RASGRP3: variants seen among roughly 807,000 people sequenced by gnomAD.
RASGRP3 encodes the protein RAS guanyl releasing protein 3.
In RASGRP3, 54 loss-of-function variants were observed where a neutral mutation model predicts 82.7. The ratio of observed to expected loss-of-function variants is 0.65; its 90% CI spans 0.52 to 0.82. RASGRP3 has a LOEUF of 0.82. Among genes scored for constraint, RASGRP3 ranks in the 40% least tolerant of loss-of-function variants. The pLI is 0.00. For missense variants in RASGRP3, 861 were observed against 828.9 expected, an observed-to-expected ratio of 1.04 and a Z score of -0.48; for synonymous variants, 309 against 300.5, an observed-to-expected ratio of 1.03 and a Z score of -0.29.
chr2:33,480,771 C>T (rs1402755288), intron 1 of RASGRP3, among the ~76,000 whole-genome samples: 1 of 152,062 alleles, frequency 6.6e-6, no homozygotes, highest in Non-Finnish European at 1.5e-5. Context: ...ACTTATAGTC[C>T]CTGGAGTTAA....
intron 1 of RASGRP3, among the ~76,000 whole-genome samples, chr2:33,506,774 A>T (rs979804653): frequency 1.3e-5 from 2 of 152,172 alleles, no homozygotes; most frequent in Non-Finnish European, 2.9e-5. Context: ...TTGTTAAATA[A>T]CCTTTGGAGA....
At chr2:33,547,863 G>A (rs1258194455) in intron 13 of RASGRP3, among the ~76,000 whole-genome samples, 2 of 152,100 alleles carry the variant, frequency 1.3e-5, no homozygotes, top group Non-Finnish European at 2.9e-5. Flanking sequence ...AAGCGGGGTG[G>A]CATGCAATTC....
intron 1 of RASGRP3, among the ~76,000 whole-genome samples, chr2:33,494,686 C>T (rs1391188621): frequency 1.3e-5 from 2 of 152,310 alleles, no homozygotes; most frequent in Non-Finnish European, 1.5e-5. Flanking sequence ...GGTAGCCCAA[C>T]GTACATTCTA....
At chr2:33,508,290 C>T (rs1670591887) in intron 1 of RASGRP3, among the ~76,000 whole-genome samples, 1 of 152,128 alleles carries the variant, frequency 6.6e-6, no homozygotes, top group African/African-American at 2.4e-5. Flanking sequence ...TTTGAGTTAA[C>T]TTCTAGATAT....
chr2:33,555,864 C>G (rs114174359), intron 15 of RASGRP3, among the ~76,000 whole-genome samples: 1 of 152,202 alleles, frequency 6.6e-6, no homozygotes, highest in South Asian at 2.1e-4. Flanking sequence ...AGCTAAAATA[C>G]TGAATATAAG....
intron 1 of RASGRP3, among the ~76,000 whole-genome samples, chr2:33,509,439 T>A (rs928519023): frequency 4.6e-5 from 7 of 152,114 alleles, no homozygotes; most frequent in Non-Finnish European, 1.0e-4. Context: ...CATTCTCCTT[T>A]CAAACAATGG....
chr2:33,457,080 A>G (rs893707840), intron 2 of RASGRP3, among the ~76,000 whole-genome samples: 5 of 151,950 alleles, frequency 3.3e-5, no homozygotes, highest in African/African-American at 1.2e-4. Context: ...TATGTTGACC[A>G]GGCTGGTCTC....
At chr2:33,508,686 T>G (rs78471655) in intron 1 of RASGRP3, among the ~76,000 whole-genome samples, 7,925 of 152,276 alleles carry the variant, frequency 0.052, 264 homozygotes, top group South Asian at 0.13. Flanking sequence ...CAAAAGCCAT[T>G]GTGAAAAGAG....
chr2:33,524,669 G>A, intron 9 of RASGRP3, 121 bp downstream of exon 9: 1 of 703,164 alleles, frequency 1.4e-6, no homozygotes, highest in Non-Finnish European at 2.3e-6. Context: ...CCAGTGGTAG[G>A]TTATAAATGG....
intron 6 of RASGRP3, 52 bp from the exon 7 acceptor site, chr2:33,521,903 T>C (rs530144382): frequency 1.3e-6 from 2 of 1,559,928 alleles, no homozygotes; most frequent in Admixed American, 4.0e-5. Context: ...ATAACTTCCA[T>C]TGAGTGAAAT....
intron 12 of RASGRP3, 104 bp downstream of exon 12, chr2:33,539,314 C>T: frequency 1.1e-6 from 1 of 929,302 alleles, no homozygotes. Context: ...TGAAAACAAC[C>T]CTCTGGCAGG....
At chr2:33,454,263 C>G (rs1371205807) in intron 2 of RASGRP3, among the ~76,000 whole-genome samples, 4 of 152,128 alleles carry the variant, frequency 2.6e-5, no homozygotes, top group Non-Finnish European at 4.4e-5. Flanking sequence ...ATACATAGTC[C>G]AGAGAGGAGT....
chr2:33,513,855 C>G (rs758230535), intron 2 of RASGRP3: 2 of 152,198 alleles, frequency 1.3e-5, no homozygotes, highest in African/African-American at 2.4e-5. Context: ...CATCTTCTTT[C>G]TGAGATGATG....
chr2:33,452,983 G>A (rs1665876116), intron 2 of RASGRP3, among the ~76,000 whole-genome samples: 1 of 152,184 alleles, frequency 6.6e-6, no homozygotes, highest in South Asian at 2.1e-4. Context: ...GTGGTCCATA[G>A]CAAAGTAGGG....
At chr2:33,446,529 T>C (rs1665512735) in intron 1 of RASGRP3, among the ~76,000 whole-genome samples, 1 of 151,872 alleles carries the variant, frequency 6.6e-6, no homozygotes, top group South Asian at 2.1e-4. Context: ...GTGAGATTTC[T>C]GTGAAGTAAC....
chr2:33,535,546 G>A (rs1304366717), intron 11 of RASGRP3, among the ~76,000 whole-genome samples: 3 of 148,444 alleles, frequency 2.0e-5, no homozygotes, highest in African/African-American at 7.3e-5. Context: ...AGACAGAATG[G>A]CAGTGAGAGC....
chr2:33,486,247 C>T (rs1004028257), intron 1 of RASGRP3, among the ~76,000 whole-genome samples: 9 of 151,120 alleles, frequency 6.0e-5, no homozygotes, highest in Non-Finnish European at 1.0e-4. Context: ...TCACTGCTAC[C>T]TCTGTCTCCT....
At chr2:33,550,844 G>A (rs1207325972) in intron 14 of RASGRP3, among the ~76,000 whole-genome samples, 1 of 151,862 alleles carries the variant, frequency 6.6e-6, no homozygotes, top group African/African-American at 2.4e-5. Context: ...ACACTCCTCT[G>A]AGAATGGGTA....
intron 13 of RASGRP3, among the ~76,000 whole-genome samples, chr2:33,548,191 C>T (rs1431615638): frequency 6.6e-6 from 1 of 151,878 alleles, no homozygotes; most frequent in Non-Finnish European, 1.5e-5. Context: ...GAAACCCCGT[C>T]TCTACTAAAA....
Sources: allele counts gnomAD v4.1 joint callset (sites outside exome capture counted in the v4.1 genomes callset), GRCh38; gene constraint gnomAD v4.1.1; transcripts MANE v1.5; gene names NCBI Gene and HGNC (gene_info 2026-07-23, HGNC 2026-07-21).